Variants in POLR3B observed in about 807,000 individuals in gnomAD.
POLR3B encodes the protein DNA-directed RNA polymerase III subunit RPC2.
A neutral mutation model predicts 147.4 loss-of-function variants in POLR3B; 96 were observed. That is an observed-to-expected ratio of 0.65 (90% CI 0.55 to 0.77). POLR3B has a LOEUF of 0.77. Ranked by LOEUF, POLR3B falls within the 30% of genes least tolerant of loss-of-function variation. The probability of loss-of-function intolerance (pLI) is 0.00; values close to 1 mark genes in which losing one functional copy is unlikely to be tolerated. For synonymous variants in POLR3B, 461 were observed against 485.9 expected (o/e 0.95, Z 0.67); for missense variants, 1,036 against 1,413.5 (o/e 0.73, Z 4.28).
At chr12:106,472,519 C>A (rs1007386934) in intron 23 of POLR3B, among the ~76,000 whole-genome samples, 8 of 150,676 alleles carry the variant, frequency 5.3e-5, no homozygotes, top group Admixed American at 2.0e-4. Context: ...TCCTCTCCAG[C>A]ACCTGTTGTT....
intron 15 of POLR3B, 98 bp from the exon 16 acceptor site, chr12:106,433,621 C>T: frequency 1.1e-6 from 1 of 937,058 alleles, no homozygotes; most frequent in Non-Finnish European, 1.6e-6. Context: ...TTTCAAATAA[C>T]TGCTTAGTGC....
At chr12:106,435,814 A>G (rs1356762886) in intron 16 of POLR3B, among the ~76,000 whole-genome samples, 1 of 152,196 alleles carries the variant, frequency 6.6e-6, no homozygotes, top group East Asian at 1.9e-4. Context: ...TTAGGATTTC[A>G]TTACATCCAA....
intron 16 of POLR3B, 26 bp from the exon 17 acceptor site, chr12:106,437,031 A>C: frequency 6.3e-7 from 1 of 1,579,624 alleles, no homozygotes; most frequent in Non-Finnish European, 8.7e-7. Context: ...AACTATTATT[A>C]ATTTGGTTTG....
At chr12:106,468,609 T>G (rs1425631153) in intron 23 of POLR3B, among the ~76,000 whole-genome samples, 1 of 152,260 alleles carries the variant, frequency 6.6e-6, no homozygotes, top group African/African-American at 2.4e-5. Flanking sequence ...TACACACTGC[T>G]TTAAATGTGT....
At chr12:106,437,157 C>G (rs1206315633) in intron 17 of POLR3B, 26 bp downstream of exon 17, 2 of 1,448,502 alleles carry the variant, frequency 1.4e-6, no homozygotes, top group African/African-American at 2.8e-5. Flanking sequence ...TAAAACTTAC[C>G]AATCTCCTTA....
At chr12:106,478,756 A>G (rs2038218527) in intron 23 of POLR3B, among the ~76,000 whole-genome samples, 3 of 152,108 alleles carry the variant, frequency 2.0e-5, no homozygotes, top group African/African-American at 4.8e-5. Flanking sequence ...ATAAATGCAC[A>G]TGGTTTTAAA....
chr12:106,379,549 T>G (rs1167098388), intron 8 of POLR3B, among the ~76,000 whole-genome samples: 1 of 152,254 alleles, frequency 6.6e-6, no homozygotes, highest in Non-Finnish European at 1.5e-5. Context: ...ATTTTATAAC[T>G]AACACAGATA....
intron 12 of POLR3B, among the ~76,000 whole-genome samples, chr12:106,425,086 A>T (rs1032714842): frequency 2.6e-5 from 4 of 152,120 alleles, no homozygotes; most frequent in Admixed American, 6.5e-5. Context: ...CTTTTCCAAT[A>T]TTTATATCTT....
At chr12:106,429,612 A>G (rs767435746) in intron 13 of POLR3B, among the ~76,000 whole-genome samples, 4 of 152,138 alleles carry the variant, frequency 2.6e-5, no homozygotes, top group Non-Finnish European at 5.9e-5. Context: ...GCATAAGAAG[A>G]TAAAGTAAAT....
At chr12:106,428,343 A>T (rs2037463678) in intron 13 of POLR3B, among the ~76,000 whole-genome samples, 1 of 152,220 alleles carries the variant, frequency 6.6e-6, no homozygotes, top group Non-Finnish European at 1.5e-5. Flanking sequence ...TACCTCCCTG[A>T]TAGAACTGCT....
chr12:106,366,490 T>C (rs1344398817), intron 2 of POLR3B, 26 bp from the exon 3 acceptor site: 1 of 1,557,782 alleles, frequency 6.4e-7, no homozygotes. Flanking sequence ...TGCTAACCTG[T>C]TTACTTTCTC....
At position 106,504,759 on chromosome 12, in the gene POLR3B, A is replaced by G. The variant is rs2038659930; in HGVS notation, c.3272+505A>G. ...TGTCTGTACTCTCTCTGCCATGGCT[A>G]GCTGCTTCACACTTGTACTGTAGAT... On this transcript the variant is annotated intron_variant, in intron 27 of 27. Coordinates refer to ENST00000228347, the MANE Select transcript of POLR3B (RefSeq NM_018082.6). This position sits in a 1 kb window ranked among gnomAD's most constrained non-coding sequence, Gnocchi z 4.6. Among the ~76,000 whole-genome samples the G allele has an allele frequency of 6.6e-6, 1 of 152,156 alleles. No homozygotes were observed. The highest frequency in any genetic ancestry group is 1.5e-5 in the Non-Finnish European group (1 of 68,010).
intron 23 of POLR3B, among the ~76,000 whole-genome samples, chr12:106,482,867 T>G (rs1327746868): frequency 6.6e-6 from 1 of 152,178 alleles, no homozygotes; most frequent in Non-Finnish European, 1.5e-5. Flanking sequence ...GAAATTGTAC[T>G]GACATAACAA....
intron 19 of POLR3B, among the ~76,000 whole-genome samples, chr12:106,450,451 A>G (rs1254156388): frequency 6.6e-6 from 1 of 152,202 alleles, no homozygotes; most frequent in East Asian, 1.9e-4. Context: ...TATTTGCAAT[A>G]CATATATCTG....
At chr12:106,406,926 A>G (rs1176991473) in intron 11 of POLR3B, among the ~76,000 whole-genome samples, 1 of 152,208 alleles carries the variant, frequency 6.6e-6, no homozygotes, top group Non-Finnish European at 1.5e-5. Flanking sequence ...AAGGGTTGCA[A>G]ACACTACCTT....
intron 2 of POLR3B, among the ~76,000 whole-genome samples, chr12:106,365,089 C>T (rs1479421176): frequency 3.3e-5 from 5 of 152,002 alleles, no homozygotes; most frequent in Non-Finnish European, 7.4e-5. Flanking sequence ...GAGCCGAGAT[C>T]GCGCCACTGC....
At chr12:106,415,086 C>G (rs533181799) in intron 12 of POLR3B, among the ~76,000 whole-genome samples, 1 of 152,288 alleles carries the variant, frequency 6.6e-6, no homozygotes, top group Non-Finnish European at 1.5e-5. Context: ...AAATATATCT[C>G]TAATTTACTT....
At chr12:106,459,697 A>G (rs1042161786) in intron 22 of POLR3B, among the ~76,000 whole-genome samples, 1 of 152,174 alleles carries the variant, frequency 6.6e-6, no homozygotes, top group African/African-American at 2.4e-5. Context: ...TTGGGAATTG[A>G]TACTGCAGAG....
chr12:106,366,453 G>C, intron 2 of POLR3B, 63 bp from the exon 3 acceptor site: 1 of 988,546 alleles, frequency 1.0e-6, no homozygotes, highest in South Asian at 1.3e-5. Context: ...TATTATTTGA[G>C]CATATCATCA....
Sources: allele counts gnomAD v4.1 joint callset (sites outside exome capture counted in the v4.1 genomes callset), GRCh38; gene constraint gnomAD v4.1.1; non-coding constraint Gnocchi (gnomAD v3.1); transcripts MANE v1.5; gene names NCBI Gene and HGNC (gene_info 2026-07-23, HGNC 2026-07-21).